Variants in TRAPPC9 observed in about 807,000 individuals in gnomAD.
TRAPPC9 encodes IKK2 binding protein.
A neutral mutation model predicts 124.0 loss-of-function variants in TRAPPC9; 83 were observed. That is an observed-to-expected ratio of 0.67 (90% confidence interval 0.56 to 0.80). TRAPPC9 has a LOEUF of 0.80. Ranked by LOEUF, TRAPPC9 falls within the 30% of genes least tolerant of loss-of-function variation. The pLI is 0.00. For missense variants in TRAPPC9, 1,302 were observed against 1,508.3 expected (o/e 0.86, Z 2.27); for synonymous variants, 638 against 617.5 (o/e 1.03, Z -0.49).
intron 10 of TRAPPC9, among the ~76,000 whole-genome samples, chr8:140,301,566 G>A (rs6983731): frequency 0.073 from 11,041 of 152,288 alleles, 464 homozygotes; most frequent in African/African-American, 0.11. Flanking sequence ...GACCAGTTTG[G>A]GAAGACGGTG....
chr8:139,932,371 C>T (rs553025973), intron 19 of TRAPPC9: 4 of 457,960 alleles, frequency 8.7e-6, no homozygotes, highest in South Asian at 4.6e-5. Context: ...ATATGCCACA[C>T]TGGATCAGAA....
chr8:139,985,379 C>A (rs1837178372), intron 19 of TRAPPC9, among the ~76,000 whole-genome samples: 1 of 152,180 alleles, frequency 6.6e-6, no homozygotes, highest in Non-Finnish European at 1.5e-5. Context: ...AAAGAGCAGT[C>A]CGAGGGCTGA....
chr8:140,443,234 G>C (rs979220469), intron 2 of TRAPPC9, among the ~76,000 whole-genome samples: 10 of 148,662 alleles, frequency 6.7e-5, no homozygotes, highest in Admixed American at 1.4e-4. Flanking sequence ...AGGAGATCGA[G>C]ACCATCCTGG....
intron 18 of TRAPPC9, among the ~76,000 whole-genome samples, chr8:139,990,227 G>A (rs930765633): frequency 3.9e-5 from 6 of 152,278 alleles, no homozygotes; most frequent in South Asian, 2.1e-4. Context: ...CAACAGCCTC[G>A]GGGGTAGTCC....
At chr8:140,426,731 G>T in intron 4 of TRAPPC9, 90 bp from the exon 5 acceptor site, 1 of 1,267,304 alleles carries the variant, frequency 7.9e-7, no homozygotes, top group Non-Finnish European at 1.1e-6. Flanking sequence ...AATTCACATA[G>T]CCTAGAGAAA....
At chr8:140,250,355 G>A (rs2064103236) in intron 16 of TRAPPC9, among the ~76,000 whole-genome samples, 1 of 152,224 alleles carries the variant, frequency 6.6e-6, no homozygotes, top group South Asian at 2.1e-4. Context: ...TATCCAGGTT[G>A]CTGTGAATTT....
chr8:139,779,947 T>C (rs527910597), intron 21 of TRAPPC9, among the ~76,000 whole-genome samples: 80 of 152,222 alleles, frequency 5.3e-4, no homozygotes, highest in Non-Finnish European at 9.9e-4. Flanking sequence ...TACTGTGCTA[T>C]AAATCTAACA....
At chr8:140,336,734 A>C (rs2067052086) in intron 9 of TRAPPC9, among the ~76,000 whole-genome samples, 1 of 152,198 alleles carries the variant, frequency 6.6e-6, no homozygotes, top group African/African-American at 2.4e-5. Flanking sequence ...TCTTTCAAAC[A>C]AATGACAACT....
chr8:139,935,690 T>TAC (rs1833467858), intron 19 of TRAPPC9, among the ~76,000 whole-genome samples: 3 of 99,916 alleles, frequency 3.0e-5, no homozygotes, highest in Non-Finnish European at 4.2e-5. Context: ...TTTTTTTTTT[T>TAC]ACATTTGTTC....
intron 21 of TRAPPC9, among the ~76,000 whole-genome samples, chr8:139,786,353 G>A (rs577323910): frequency 5.9e-5 from 9 of 152,278 alleles, no homozygotes; most frequent in Admixed American, 2.6e-4. Context: ...AAACCACAGC[G>A]AGACGCGAAT....
intron 20 of TRAPPC9, among the ~76,000 whole-genome samples, chr8:139,887,217 CTTT>C (rs1221275448): frequency 7.7e-5 from 10 of 130,576 alleles, no homozygotes; most frequent in Non-Finnish European, 6.6e-5. Flanking sequence ...CCTATTTTAG[CTTT>C]TTTTTTTTTT....
chr8:140,152,484 C>T (rs1367905558), intron 17 of TRAPPC9, among the ~76,000 whole-genome samples: 2 of 151,218 alleles, frequency 1.3e-5, no homozygotes, highest in East Asian at 3.9e-4. Flanking sequence ...CCTCAGCCTC[C>T]CAAGTAGATG....
At position 140,252,857 on chromosome 8, in the gene TRAPPC9, T is replaced by C; in HGVS notation, c.2351A>G (p.Lys784Arg). Reference protein sequence around the residue: ...TLAQFPLQPGKVATFTINIKV... With the variant: ...TLAQFPLQPGRVATFTINIKV... ...GATGTTGATTGTGAACGTGGCCACC[T>C]TCCCAGGCTGCAAAGGGAACTGGGC... The change falls in exon 16 of 23, where the codon AAG (lysine) becomes AGG (arginine). Residue 784 changes from lysine (K) to arginine (R), a missense_variant. By Grantham distance (26) the Lys-to-Arg change is conservative. This residue lies in a region of TRAPPC9 where 640 missense variants were observed against 679.3 expected (regional missense o/e 0.94). Coordinates refer to ENST00000438773, the MANE Select transcript of TRAPPC9 (RefSeq NM_001160372.4). The surrounding 1 kb of genome is among the most constrained non-coding windows in gnomAD (Gnocchi z 4.2). The C allele has an allele frequency of 6.2e-7, 1 of 1,613,780 alleles. No individual in the cohort carries two copies. Among genetic ancestry groups the C allele is most frequent in the South Asian group, 1.1e-5 (1 of 91,072 alleles).
chr8:140,278,596 G>T (rs1006918865), intron 14 of TRAPPC9, among the ~76,000 whole-genome samples: 2 of 152,176 alleles, frequency 1.3e-5, no homozygotes, highest in Non-Finnish European at 2.9e-5. Flanking sequence ...ACACTTCACA[G>T]CTGCCTCCTG....
chr8:140,246,885 T>A (rs1382613265), intron 16 of TRAPPC9, among the ~76,000 whole-genome samples: 2 of 152,082 alleles, frequency 1.3e-5, no homozygotes, highest in African/African-American at 2.4e-5. Context: ...CTTGGGAGGC[T>A]GAGGCAGGAG....
chr8:139,986,649 C>T (rs925508717), intron 19 of TRAPPC9, among the ~76,000 whole-genome samples: 8 of 152,196 alleles, frequency 5.3e-5, no homozygotes, highest in African/African-American at 1.9e-4. Context: ...CATGCCCCGA[C>T]CCCAAACCCT....
At chr8:139,761,514 G>A (rs1458342531) in intron 21 of TRAPPC9, among the ~76,000 whole-genome samples, 2 of 152,126 alleles carry the variant, frequency 1.3e-5, no homozygotes, top group African/African-American at 2.4e-5. Context: ...CCCTGGTGCT[G>A]GCTTGCCCAC....
intron 2 of TRAPPC9, among the ~76,000 whole-genome samples, chr8:140,444,691 C>A (rs1194406452): frequency 6.6e-6 from 1 of 151,738 alleles, no homozygotes; most frequent in Non-Finnish European, 1.5e-5. Flanking sequence ...TGAGACCCCC[C>A]CCATCTCTAC....
intron 4 of TRAPPC9, among the ~76,000 whole-genome samples, chr8:140,429,058 T>C (rs897650636): frequency 4.7e-5 from 7 of 150,434 alleles, no homozygotes; most frequent in Admixed American, 2.7e-4. Flanking sequence ...CAGGGGTTTT[T>C]TGTTTTGTTT....
Sources: allele counts gnomAD v4.1 joint callset (sites outside exome capture counted in the v4.1 genomes callset), GRCh38; gene constraint gnomAD v4.1.1; regional missense constraint gnomAD v4.1.1; non-coding constraint Gnocchi (gnomAD v3.1); transcripts MANE v1.5; gene names NCBI Gene and HGNC (gene_info 2026-07-23, HGNC 2026-07-21).